SEC14L3: variants seen among roughly 807,000 people sequenced by gnomAD.
SEC14L3 encodes the protein SEC14-like protein 3.
A neutral mutation model predicts 57.4 loss-of-function variants in SEC14L3; 56 were observed. The ratio of observed to expected loss-of-function variants is 0.97; its 90% CI spans 0.79 to 1.22. The LOEUF (loss-of-function observed/expected upper bound fraction) is 1.22, where lower values mean the gene tolerates loss of function less well. SEC14L3 is among the 50% of genes most tolerant of loss of function. The pLI is 0.00. For synonymous variants in SEC14L3, 173 were observed against 194.4 expected (o/e 0.89, Z 0.92); for missense variants, 485 against 511.7 (o/e 0.95, Z 0.50).
chr22:30,453,525 G>A (rs1016878359), intron 12 of SEC14L3, among the ~76,000 whole-genome samples: 2 of 152,120 alleles, frequency 1.3e-5, no homozygotes, highest in Non-Finnish European at 2.9e-5. Flanking sequence ...TGATTGTCCT[G>A]CCTTAGCCTC....
intron 12 of SEC14L3, among the ~76,000 whole-genome samples, chr22:30,453,482 A>G (rs376728267): frequency 2.0e-5 from 3 of 152,048 alleles, no homozygotes; most frequent in Non-Finnish European, 4.4e-5. Context: ...GCGCAATCTC[A>G]GCTCACTGCA....
chr22:30,468,994 C>T lies in SEC14L3; in HGVS notation c.235-298G>A, dbSNP rs186494976. The stretch of plus-strand genomic sequence containing the variant: ...GAGTCGGGTTTAGTGATGGAGAACA[C>T]AGATTCTGAAGGTTAACAGAGCTGG... On this transcript the variant is annotated intron_variant, in intron 4 of 11. Transcript: ENST00000215812. 1.3e-4 allele frequency: 189 copies of T among 1,404,196 alleles called. No homozygotes were observed. In the African/African-American group the frequency reaches 2.5e-3, roughly 19 times the overall value. The allele number at this position is 1,404,196 out of a possible 1,614,324, so 87.0% of individuals were successfully genotyped here.
chr22:30,451,024 T>C (rs920998998), intron 12 of SEC14L3, among the ~76,000 whole-genome samples: 5 of 152,210 alleles, frequency 3.3e-5, no homozygotes. Flanking sequence ...TCTTTCTGCC[T>C]GGGCTGTTGG....
chr22:30,456,140 A>G (rs1011540511), downstream of SEC14L3, among the ~76,000 whole-genome samples: 2 of 152,036 alleles, frequency 1.3e-5, no homozygotes, highest in Non-Finnish European at 2.9e-5. Flanking sequence ...CTCTACTAAA[A>G]ATACAAAAAT....
intron 6 of SEC14L3, 53 bp downstream of exon 6, chr22:30,466,929 G>A (rs1175520223): frequency 7.0e-6 from 11 of 1,561,078 alleles, no homozygotes; most frequent in South Asian, 4.6e-5. Flanking sequence ...GGTCATGGCA[G>A]GCCAAGCTGG....
In SEC14L3 at chr22:30,461,306, T is replaced by G; in HGVS notation, c.1081+4A>C. On this transcript the variant is annotated splice_donor_region_variant and intron_variant, in intron 11 of 11. Transcript: ENST00000215812. Reference sequence around the variant, plus strand: ...GAGCCAGGTCCCAGCTGGGGCAGACTTACAGACGCCGGCCTCTGAGCAGGT... The same window carrying G: ...GAGCCAGGTCCCAGCTGGGGCAGACGTACAGACGCCGGCCTCTGAGCAGGT... The G allele has an allele frequency of 6.3e-7, 1 of 1,579,170 alleles. No homozygotes were observed. Among genetic ancestry groups the G allele is most frequent in the Admixed American group, 1.8e-5 (1 of 55,528 alleles).
chr22:30,471,875 T>C, intron 1 of SEC14L3, 30 bp downstream of exon 1: 2 of 1,613,450 alleles, frequency 1.2e-6, no homozygotes, highest in Non-Finnish European at 1.7e-6. Flanking sequence ...TCCCCTGGTC[T>C]TCCGGAACTC....
At chr22:30,449,098 C>T in exon 13 of SEC14L3, 1 of 1,550,492 alleles carries the variant, frequency 6.4e-7, no homozygotes, top group Non-Finnish European at 8.7e-7. Context: ...TAGTTACTGG[C>T]AGGGAGGGGT....
At chr22:30,461,153 T>G (rs1380463203) in intron 11 of SEC14L3, among the ~76,000 whole-genome samples, 157 bp downstream of exon 11, 1 of 152,188 alleles carries the variant, frequency 6.6e-6, no homozygotes, top group African/African-American at 2.4e-5. Flanking sequence ...CTCATGAATA[T>G]GGACTGAGTG....
downstream of SEC14L3, among the ~76,000 whole-genome samples, chr22:30,454,834 TA>T (rs67460826): frequency 0.63 from 34,887 of 55,552 alleles, 12,189 homozygotes; most frequent in African/African-American, 0.83. Context: ...ATATAATATA[TA>T]ATAATATATA....
intron 4 of SEC14L3, 192 bp from the exon 5 acceptor site, chr22:30,468,888 A>C: frequency 6.5e-7 from 1 of 1,530,808 alleles, no homozygotes; most frequent in Non-Finnish European, 8.8e-7. Flanking sequence ...ACAGAGGGTA[A>C]ATGGCAAAGC....
intron 7 of SEC14L3, among the ~76,000 whole-genome samples, chr22:30,465,973 G>A (rs1267918143): frequency 1.3e-5 from 2 of 152,204 alleles, no homozygotes; most frequent in Non-Finnish European, 2.9e-5. Flanking sequence ...AACTCAGCCA[G>A]TAAAGCAGGA....
intron 7 of SEC14L3, among the ~76,000 whole-genome samples, chr22:30,466,062 A>C (rs1390841346): frequency 6.6e-6 from 1 of 152,236 alleles, no homozygotes; most frequent in African/African-American, 2.4e-5. Flanking sequence ...TGCCAGAAGC[A>C]GTCTGGGGAG....
intron 12 of SEC14L3, among the ~76,000 whole-genome samples, chr22:30,451,991 C>CAAAAAAAAAAAAA (rs34799395): frequency 2.7e-4 from 9 of 33,744 alleles, no homozygotes; most frequent in Non-Finnish European, 3.4e-4. Flanking sequence ...GACTCCATCT[C>CAAAAAAAAAAAAA]AAAAAAAAAA....
intron 6 of SEC14L3, 152 bp from the exon 7 acceptor site, chr22:30,466,546 A>T (rs1024313311): frequency 1.4e-6 from 1 of 718,450 alleles, no homozygotes; most frequent in Non-Finnish European, 2.3e-6. Context: ...GAACCTTCTC[A>T]CCTCATACTA....
chr22:30,466,086 T>C (rs995786914), intron 7 of SEC14L3, among the ~76,000 whole-genome samples: 3 of 152,178 alleles, frequency 2.0e-5, no homozygotes, highest in Non-Finnish European at 4.4e-5. Flanking sequence ...GAGATCATCA[T>C]GGACAGGAGA....
At chr22:30,454,727 C>CATATAATAATATTATTATATATAATA (rs1935058854), downstream of SEC14L3, among the ~76,000 whole-genome samples, 2 of 75,376 alleles carry the variant, frequency 2.7e-5, no homozygotes, top group African/African-American at 1.1e-4. Context: ...AATCTATAAT[C>CATATAATAATATTATTATATATAATA]TATAATATAT....
rs1006726097 is a variant in SEC14L3, at chr22:30,460,051, C to T, written c.1173G>A (p.Gln391=). 1 of 1,614,172 alleles carries T rather than the reference C, an allele frequency of 6.2e-7. No homozygotes were observed. Among genetic ancestry groups the T allele is most frequent in the Admixed American group, 1.7e-5 (1 of 60,030 alleles). Residue 391 remains glutamine (Q), a synonymous_variant, in exon 12 of 12, where the codon CAG becomes CAA. Coordinates refer to ENST00000215812, the MANE Select transcript of SEC14L3 (RefSeq NM_174975.5). The part of the protein sequence containing the change: ...VEVLLPDEGM[Q]KYDKELTPV ...CAGGGGTGAGCTCCTTATCATATTT[C>T]TGCATGCCCTCGTCAGGGAGCAGGA...
At chr22:30,457,188 C>T (rs1935133127), downstream of SEC14L3, among the ~76,000 whole-genome samples, 1 of 152,106 alleles carries the variant, frequency 6.6e-6, no homozygotes, top group Admixed American at 6.6e-5. Flanking sequence ...GATTCCATGA[C>T]ATCATTGGCC....
Sources: allele counts gnomAD v4.1 joint callset (sites outside exome capture counted in the v4.1 genomes callset), GRCh38; gene constraint gnomAD v4.1.1; transcripts MANE v1.5; gene names NCBI Gene and HGNC (gene_info 2026-07-23, HGNC 2026-07-21).